Variants in POU3F3 observed in about 807,000 individuals in gnomAD.
POU3F3 encodes POU domain, class 3, transcription factor 3.
POU3F3 carries 1 observed loss-of-function variant against 8.6 expected under a neutral mutation model. That is an observed-to-expected ratio of 0.12 (90% CI 0.04 to 0.55). The LOEUF is 0.55. Ranked by LOEUF, POU3F3 falls within the 20% of genes least tolerant of loss-of-function variation. The pLI, the probability that POU3F3 is intolerant of heterozygous loss-of-function variation, is 0.91. For missense variants in POU3F3, 577 were observed against 690.7 expected (o/e 0.84, Z 1.84); for synonymous variants, 418 against 327.4 (o/e 1.28, Z -2.99).
chr2:104,878,892 A>G, the POU3F3 span, among the ~76,000 whole-genome samples: 1 of 152,098 alleles, frequency 6.6e-6, no homozygotes, highest in African/African-American at 2.4e-5. Flanking sequence ...CACAAATGCA[A>G]CACACACACA....
the POU3F3 span, among the ~76,000 whole-genome samples, chr2:104,871,353 GT>G: frequency 1.3e-5 from 2 of 151,608 alleles, no homozygotes; most frequent in African/African-American, 2.4e-5. Flanking sequence ...AACATTACCT[GT>G]TTTTTTTTAA....
chr2:104,855,970 G>C lies in POU3F3; in HGVS notation c.460G>C (p.Gly154Arg). Residue 154 changes from glycine to arginine, a missense_variant, in exon 1 of 1, where the codon GGG becomes CGG. Coordinates refer to ENST00000361360, the MANE Select transcript of POU3F3 (RefSeq NM_006236.3). ...PQGPDVKGGA[G>R]RDDLHAGTAL... ...GGGCCCCGACGTGAAGGGCGGCGCC[G>C]GGCGCGACGACCTGCACGCGGGCAC... 1.9e-6 allele frequency: 2 copies of C among 1,039,956 alleles called. No homozygotes were observed. The highest frequency in any genetic ancestry group is 2.3e-6 in the Non-Finnish European group (2 of 865,902). The allele number at this position is 1,039,956 out of a possible 1,614,324, so 64.4% of individuals were successfully genotyped here. A position where few individuals can be genotyped will look rare whatever the true frequency, so the allele number is the denominator to read the frequency against.
the POU3F3 span, among the ~76,000 whole-genome samples, chr2:104,880,039 T>C: frequency 6.6e-6 from 1 of 152,198 alleles, no homozygotes; most frequent in East Asian, 1.9e-4. Flanking sequence ...CAATACCTGC[T>C]CGTTCTTATC....
rs998122566 is a variant in POU3F3, at chr2:104,854,798, A to G, written c.-713A>G. On this transcript the variant is annotated 5_prime_UTR_variant, in exon 1 of 1. Transcript: ENST00000361360. The surrounding 1 kb of genome is among the most constrained non-coding windows in gnomAD (Gnocchi z 4.5). Reference sequence around the variant, plus strand: ...GCAGCACCACGCCTTCAAGGACGAAAAAGTTTTACTACTCTAAGGGAAAAC... The same window carrying G: ...GCAGCACCACGCCTTCAAGGACGAAGAAGTTTTACTACTCTAAGGGAAAAC... 2.6e-5 allele frequency among the ~76,000 whole-genome samples: 4 copies of G among 152,208 alleles called. No homozygotes were observed. The highest frequency in any genetic ancestry group is 9.6e-5 in the African/African-American group (4 of 41,456).
chr2:104,917,042 A>G, the POU3F3 span, among the ~76,000 whole-genome samples: 1 of 152,306 alleles, frequency 6.6e-6, no homozygotes, highest in East Asian at 1.9e-4. Flanking sequence ...TCTTGAACAG[A>G]GACATCCATC....
chr2:104,885,866 C>A, the POU3F3 span, among the ~76,000 whole-genome samples: 1 of 151,976 alleles, frequency 6.6e-6, no homozygotes, highest in Non-Finnish European at 1.5e-5. Flanking sequence ...GGCGTAATCT[C>A]GGCTCACTGA....
the POU3F3 span, among the ~76,000 whole-genome samples, chr2:104,890,011 C>G: frequency 1.3e-3 from 191 of 152,296 alleles, no homozygotes; most frequent in African/African-American, 4.1e-3. Context: ...ACAGCAGTGC[C>G]TTTCCTCCCT....
At chr2:104,913,567 A>ATT in the POU3F3 span, among the ~76,000 whole-genome samples, 1 of 152,336 alleles carries the variant, frequency 6.6e-6, no homozygotes. Flanking sequence ...CACTCAGTCC[A>ATT]GGAATCACAC....
chr2:104,868,936 G>A, the POU3F3 span, among the ~76,000 whole-genome samples: 12 of 152,340 alleles, frequency 7.9e-5, no homozygotes, highest in African/African-American at 2.4e-4. Context: ...ACAGTGGGGT[G>A]AGGGTGGGGC....
the POU3F3 span, among the ~76,000 whole-genome samples, chr2:104,914,936 A>G: frequency 6.6e-6 from 1 of 152,180 alleles, no homozygotes; most frequent in African/African-American, 2.4e-5. Context: ...TGCGGGGAGC[A>G]AGGACAGTCT....
chr2:104,917,404 T>G, the POU3F3 span, among the ~76,000 whole-genome samples: 10 of 152,194 alleles, frequency 6.6e-5, no homozygotes, highest in East Asian at 1.9e-3. Flanking sequence ...AATCAAATAA[T>G]TCCACTATGT....
chr2:104,906,756 T>C, the POU3F3 span, among the ~76,000 whole-genome samples: 6 of 152,328 alleles, frequency 3.9e-5, no homozygotes, highest in Admixed American at 2.6e-4. Flanking sequence ...GTTGTGTTTT[T>C]GTTTGTTTTT....
the POU3F3 span, among the ~76,000 whole-genome samples, chr2:104,918,255 G>T: frequency 2.0e-5 from 3 of 152,150 alleles, no homozygotes; most frequent in Admixed American, 6.5e-5. Context: ...CAGCAGGCCC[G>T]GATGTAGAAT....
the POU3F3 span, among the ~76,000 whole-genome samples, chr2:104,887,454 T>C: frequency 6.6e-6 from 1 of 152,182 alleles, no homozygotes; most frequent in Non-Finnish European, 1.5e-5. Flanking sequence ...GTTGCGTAGA[T>C]AAGGCTTAAA....
At chr2:104,914,676 A>T in the POU3F3 span, among the ~76,000 whole-genome samples, 1 of 152,160 alleles carries the variant, frequency 6.6e-6, no homozygotes, top group African/African-American at 2.4e-5. Flanking sequence ...TCAGAACCAG[A>T]CGGCTTAGGG....
chr2:104,905,131 C>T, the POU3F3 span, among the ~76,000 whole-genome samples: 2 of 152,302 alleles, frequency 1.3e-5, no homozygotes, highest in South Asian at 2.1e-4. Flanking sequence ...GCTGGCTGCT[C>T]ATGTGCCTCC....
the POU3F3 span, among the ~76,000 whole-genome samples, chr2:104,900,809 G>A: frequency 2.0e-5 from 3 of 152,252 alleles, no homozygotes; most frequent in African/African-American, 7.2e-5. Flanking sequence ...TTCAGCCTGC[G>A]CCAAGTGGCA....
chr2:104,853,849 G>A (rs1243742845), upstream of POU3F3: 2 of 152,158 alleles, frequency 1.3e-5, no homozygotes, highest in African/African-American at 4.8e-5. Context: ...ATGTGGCGGA[G>A]GGGGCGGCGG....
chr2:104,856,255 G>A lies in POU3F3; in HGVS notation c.745G>A (p.Gly249Ser), dbSNP rs1305825966. The A allele has an allele frequency of 1.5e-6, 2 of 1,295,044 alleles. No individual in the cohort carries two copies. Among genetic ancestry groups the A allele is most frequent in the Non-Finnish European group, 1.9e-6 (2 of 1,031,564 alleles). 80.2% of individuals were successfully genotyped at this position (1,295,044 alleles called of 1,614,324 possible). A position where few individuals can be genotyped will look rare whatever the true frequency, so the allele number is the denominator to read the frequency against. ...GPGGGGGGAGGGAQSLVHPGL... is the reference protein window; with the variant it reads ...GPGGGGGGAGSGAQSLVHPGL... ...CGGCGGCGGCGGCGGCGGCGCGGGC[G>A]GTGGAGCCCAGAGCTTGGTGCACCC... is the stretch of plus-strand genomic sequence containing the variant. The change falls in exon 1 of 1, where the codon GGT (glycine) becomes AGT (serine). Residue 249 changes from glycine to serine, a missense_variant. Gly to Ser is a moderately conservative substitution (Grantham distance 56). Around this residue, in one of 7 missense-constraint regions of POU3F3, gnomAD observed 484 missense variants for 422.6 expected, o/e 1.15. Transcript: ENST00000361360.
Sources: gnomAD v4.1 joint callset for allele counts (sites outside exome capture counted in the v4.1 genomes callset) on GRCh38, gnomAD v4.1.1 for gene constraint, gnomAD v4.1.1 regional missense constraint, Gnocchi (gnomAD v3.1) non-coding constraint, MANE v1.5 for transcripts, NCBI Gene and HGNC (gene_info 2026-07-23, HGNC 2026-07-21) for gene names.